Variants in ANKS1B observed in about 807,000 individuals in gnomAD.
ANKS1B encodes the protein ankyrin repeat and sterile alpha motif domain containing 1B, also known as ankyrin repeat and sterile alpha motif domain-containing protein 1B.
ANKS1B carries 36 observed loss-of-function variants against 148.3 expected under a neutral mutation model. That is an observed-to-expected ratio of 0.24 (90% CI 0.19 to 0.32). ANKS1B has a LOEUF of 0.32. Ranked by LOEUF, ANKS1B falls within the 10% of genes least tolerant of loss-of-function variation. The pLI is 1.00. For missense variants in ANKS1B, 1,157 were observed against 1,542.6 expected (o/e 0.75, Z 4.19); for synonymous variants, 542 against 560.8 (o/e 0.97, Z 0.47).
chr12:98,752,736 T>C (rs1478848363), intron 25 of ANKS1B, among the ~76,000 whole-genome samples: 2 of 150,186 alleles, frequency 1.3e-5, no homozygotes, highest in Admixed American at 6.6e-5. Context: ...CTGTGGGCAG[T>C]TGGTTTGTCC....
At chr12:99,326,418 C>G (rs143232949) in intron 12 of ANKS1B, among the ~76,000 whole-genome samples, 1 of 152,220 alleles carries the variant, frequency 6.6e-6, no homozygotes, top group Non-Finnish European at 1.5e-5. Flanking sequence ...CAGCTCACTC[C>G]TCTCACCAAA....
At chr12:99,545,780 T>TTATA (rs35241137) in intron 9 of ANKS1B, among the ~76,000 whole-genome samples, 23 of 146,312 alleles carry the variant, frequency 1.6e-4, no homozygotes, top group African/African-American at 3.7e-4. Flanking sequence ...CATATATAAA[T>TTATA]TATATATATA....
rs370066793 is a variant in ANKS1B, at chr12:99,560,383, T to A, written c.1273-55742A>T. 2.7e-5 allele frequency among the ~76,000 whole-genome samples: 4 copies of A among 147,122 alleles called. No homozygotes were observed. In the East Asian group the frequency reaches 8.3e-4, roughly 30 times the overall value. On this transcript the variant is annotated intron_variant, in intron 9 of 26. Transcript: ENST00000683438. ...CTTCAAAGTACAATACAGTTTTCTA[T>A]GATTTTTTTTAAGAAAAAAAAAATC...
intron 8 of ANKS1B, among the ~76,000 whole-genome samples, chr12:99,759,023 G>A (rs759451742): frequency 1.2e-4 from 18 of 151,834 alleles, no homozygotes; most frequent in South Asian, 2.1e-4. Context: ...TCACTTTAAT[G>A]ATCCCGCTTC....
chr12:99,959,227 A>ATTTTTTTTTTTTT (rs71088166), intron 1 of ANKS1B, among the ~76,000 whole-genome samples: 11 of 99,894 alleles, frequency 1.1e-4, no homozygotes, highest in Non-Finnish European at 1.5e-4. Context: ...CACCCAGTTA[A>ATTTTTTTTTTTTT]TTTTTTTTTT....
Position 99,244,384 on chromosome 12 carries a change from C to G in ANKS1B, c.2377G>C (p.Gly793Arg). The change falls in exon 14 of 27, where the codon GGA becomes CGA. Residue 793 changes from glycine to arginine, a missense_variant. Physicochemically the swap from Gly to Arg is moderately radical, Grantham distance 125. Coordinates refer to ENST00000683438, the MANE Select transcript of ANKS1B (RefSeq NM_001352186.2). Reference sequence around the variant, plus strand: ...ATCTCTTTAAGTTCGTTGTTGATTCCAACATCTATGGAACTCATTATTTTG... The same window carrying G: ...ATCTCTTTAAGTTCGTTGTTGATTCGAACATCTATGGAACTCATTATTTTG... Reference protein sequence around the residue: ...IDKIMSSIDVGINNELKEMNG... With the variant: ...IDKIMSSIDVRINNELKEMNG... 6.2e-7 allele frequency: 1 copy of G among 1,605,998 alleles called. No individual in the cohort carries two copies. Among genetic ancestry groups the G allele is most frequent in the Non-Finnish European group, 8.5e-7 (1 of 1,176,876 alleles).
chr12:99,671,315 T>C (rs945747547), intron 8 of ANKS1B, among the ~76,000 whole-genome samples: 7 of 152,152 alleles, frequency 4.6e-5, no homozygotes, highest in Admixed American at 3.3e-4. Flanking sequence ...TCAGTGCTGA[T>C]GTTTACGTAA....
intron 17 of ANKS1B, among the ~76,000 whole-genome samples, chr12:98,918,911 T>C (rs1197325479): frequency 6.6e-6 from 1 of 152,236 alleles, no homozygotes; most frequent in African/African-American, 2.4e-5. Flanking sequence ...TTTATAATGC[T>C]CTTATTGATG....
At chr12:99,269,213 G>C (rs1261867231) in intron 12 of ANKS1B, among the ~76,000 whole-genome samples, 1 of 152,156 alleles carries the variant, frequency 6.6e-6, no homozygotes, top group Non-Finnish European at 1.5e-5. Context: ...AGTTAGTTTT[G>C]ACTATGCAGT....
chr12:98,854,736 G>A (rs1419157031), intron 17 of ANKS1B, among the ~76,000 whole-genome samples: 1 of 152,188 alleles, frequency 6.6e-6, no homozygotes, highest in African/African-American at 2.4e-5. Flanking sequence ...TCCAAGAGAT[G>A]GGGTGTATTT....
At chr12:98,763,745 T>C (rs1862022) in intron 25 of ANKS1B, among the ~76,000 whole-genome samples, 109,763 of 152,086 alleles carry the variant, frequency 0.72, 39,764 homozygotes, top group Admixed American at 0.78. Context: ...TCATAACATA[T>C]TTTATGTGCA....
At chr12:99,306,917 G>A (rs1203642439) in intron 12 of ANKS1B, among the ~76,000 whole-genome samples, 1 of 151,838 alleles carries the variant, frequency 6.6e-6, no homozygotes, top group Non-Finnish European at 1.5e-5. Flanking sequence ...ATAGCCTCTG[G>A]AGATCATGCT....
At chr12:99,265,312 CTTGA>C (rs2076340103) in intron 12 of ANKS1B, among the ~76,000 whole-genome samples, 1 of 152,260 alleles carries the variant, frequency 6.6e-6, no homozygotes, top group Non-Finnish European at 1.5e-5. Flanking sequence ...AAACTGTCCA[CTTGA>C]TTCTCACTAG....
intron 12 of ANKS1B, among the ~76,000 whole-genome samples, chr12:99,360,148 C>T (rs906039885): frequency 1.3e-5 from 2 of 152,128 alleles, no homozygotes; most frequent in Non-Finnish European, 2.9e-5. Flanking sequence ...AATTAACTGA[C>T]TGGCAGCAAA....
chr12:99,888,963 C>T (rs971851101), intron 1 of ANKS1B, among the ~76,000 whole-genome samples: 5 of 107,590 alleles, frequency 4.6e-5, no homozygotes, highest in Non-Finnish European at 9.2e-5. Flanking sequence ...GGCTCACCTT[C>T]GCCAAAACAC....
At chr12:99,879,412 C>A (rs1291193168) in intron 1 of ANKS1B, among the ~76,000 whole-genome samples, 1 of 152,170 alleles carries the variant, frequency 6.6e-6, no homozygotes. Context: ...GCAGCAGAGA[C>A]AGGGAAGTGG....
chr12:99,461,492 G>A (rs1042192820), intron 10 of ANKS1B, among the ~76,000 whole-genome samples: 7 of 152,068 alleles, frequency 4.6e-5, no homozygotes, highest in Non-Finnish European at 1.5e-5. Context: ...AGTAGTTGGA[G>A]GTGAAATGAC....
chr12:98,799,701 G>A (rs575854288), intron 21 of ANKS1B, among the ~76,000 whole-genome samples: 2 of 152,004 alleles, frequency 1.3e-5, no homozygotes, highest in African/African-American at 2.4e-5. Context: ...GTATCATCCT[G>A]GTACAAAATG....
chr12:99,443,615 T>A (rs2095586723), intron 11 of ANKS1B, 58 bp downstream of exon 11: 2 of 1,571,852 alleles, frequency 1.3e-6, no homozygotes, highest in Admixed American at 1.7e-5. Flanking sequence ...GTGATGTACA[T>A]GCATTGATTC....
Sources: gnomAD v4.1 joint callset for allele counts (sites outside exome capture counted in the v4.1 genomes callset) on GRCh38, gnomAD v4.1.1 for gene constraint, MANE v1.5 for transcripts, NCBI Gene and HGNC (gene_info 2026-07-23, HGNC 2026-07-21) for gene names.